The following NKAIN2 variants were observed in gnomAD, a reference collection of about 807,000 sequenced individuals.
NKAIN2 encodes the protein sodium/potassium transporting ATPase interacting 2, also known as sodium/potassium-transporting ATPase subunit beta-1-interacting protein 2.
NKAIN2 carries 14 observed loss-of-function variants against 32.6 expected under a neutral mutation model. The observed-to-expected ratio is 0.43, with a 90% confidence interval of 0.28 to 0.67. NKAIN2 has a LOEUF of 0.67. Ranked by LOEUF, NKAIN2 falls within the 30% of genes least tolerant of loss-of-function variation. NKAIN2 has a pLI of 0.17. For missense variants in NKAIN2, 198 were observed against 258.3 expected, an observed-to-expected ratio of 0.77 and a Z score of 1.60; for synonymous variants, 80 against 87.2, an observed-to-expected ratio of 0.92 and a Z score of 0.46.
intron 1 of NKAIN2, among the ~76,000 whole-genome samples, chr6:123,858,902 G>A (rs1775667943): frequency 6.6e-6 from 1 of 152,096 alleles, no homozygotes; most frequent in African/African-American, 2.4e-5. Context: ...TAAGACAGGT[G>A]AACTCATTTT....
At position 124,804,947 on chromosome 6, in the gene NKAIN2, G is replaced by A. The variant is rs989126547; in HGVS notation, c.536-13440G>A. Among the ~76,000 whole-genome samples the A allele has an allele frequency of 5.8e-3, 888 of 152,236 alleles. 10 individuals carry two copies. The highest frequency in any genetic ancestry group is 0.02 in the African/African-American group (847 of 41,566). On this transcript the variant is annotated intron_variant, in intron 5 of 6. Coordinates refer to ENST00000368417, the MANE Select transcript of NKAIN2 (RefSeq NM_001040214.3). ...GCGGCAGCGAGGCTGGGGGAAGGGC[G>A]CCCGCCATTGCCCAGGCTTGCTTAG...
In NKAIN2 at chr6:124,274,786, A is replaced by G. The variant is rs1010175773; in HGVS notation, c.55-8219A>G. Among the ~76,000 whole-genome samples, 7 of 152,108 alleles carry G rather than the reference A, an allele frequency of 4.6e-5. No homozygotes were observed. In the East Asian group the frequency reaches 9.6e-4, roughly 21 times the overall value. On this transcript the variant is annotated intron_variant, in intron 1 of 6. Coordinates refer to ENST00000368417, the MANE Select transcript of NKAIN2 (RefSeq NM_001040214.3). ...ACAGAATGCGGACACACTATTCAAA[A>G]AAAAGGTGGGAGATTTGTGTTATGA...
At chr6:124,140,156 G>T (rs1787063164) in intron 1 of NKAIN2, among the ~76,000 whole-genome samples, 1 of 152,112 alleles carries the variant, frequency 6.6e-6, no homozygotes, top group South Asian at 2.1e-4. Flanking sequence ...AGCATCACAT[G>T]TTCCCATTAG....
intron 3 of NKAIN2, among the ~76,000 whole-genome samples, chr6:124,507,474 G>GT (rs1336897358): frequency 2.0e-5 from 3 of 152,150 alleles, no homozygotes; most frequent in South Asian, 2.1e-4. Flanking sequence ...AATTATGGTG[G>GT]TTTTTTGCTT....
At chr6:124,024,365 A>G (rs1781009706) in intron 1 of NKAIN2, among the ~76,000 whole-genome samples, 1 of 152,172 alleles carries the variant, frequency 6.6e-6, no homozygotes, top group African/African-American at 2.4e-5. Context: ...ATTAGAATGC[A>G]TAACGTGAAT....
At chr6:124,165,709 C>G (rs1283978745) in intron 1 of NKAIN2, among the ~76,000 whole-genome samples, 1 of 144,030 alleles carries the variant, frequency 6.9e-6, no homozygotes, top group East Asian at 2.1e-4. Flanking sequence ...ATGTTCCCCT[C>G]CCTGTGTCCA....
At chr6:124,485,303 A>G (rs1044851140) in intron 3 of NKAIN2, among the ~76,000 whole-genome samples, 2 of 152,084 alleles carry the variant, frequency 1.3e-5, no homozygotes, top group African/African-American at 4.8e-5. Flanking sequence ...AACAGCTGCT[A>G]AAGTTTAAGA....
intron 3 of NKAIN2, among the ~76,000 whole-genome samples, chr6:124,653,434 C>T (rs183829547): frequency 2.0e-5 from 2 of 100,088 alleles, no homozygotes; most frequent in African/African-American, 3.7e-5. Context: ...AATAATTGCA[C>T]ATCCACATGC....
At chr6:124,198,911 C>G (rs550288379) in intron 1 of NKAIN2, among the ~76,000 whole-genome samples, 1 of 152,200 alleles carries the variant, frequency 6.6e-6, no homozygotes, top group South Asian at 2.1e-4. Flanking sequence ...TGTAGGTTAT[C>G]TGGCCTATTT....
At chr6:124,081,108 A>C (rs1216944199) in intron 1 of NKAIN2, among the ~76,000 whole-genome samples, 1 of 152,098 alleles carries the variant, frequency 6.6e-6, no homozygotes, top group East Asian at 1.9e-4. Flanking sequence ...TTTATATTGC[A>C]TATTGACTTT....
At chr6:124,797,559 G>C (rs1031022134) in intron 5 of NKAIN2, among the ~76,000 whole-genome samples, 1 of 152,004 alleles carries the variant, frequency 6.6e-6, no homozygotes, top group Non-Finnish European at 1.5e-5. Flanking sequence ...AACTGGCCTT[G>C]GGATAAAAGT....
At chr6:124,812,136 T>G (rs1780930616) in intron 5 of NKAIN2, among the ~76,000 whole-genome samples, 1 of 152,158 alleles carries the variant, frequency 6.6e-6, no homozygotes, top group Non-Finnish European at 1.5e-5. Context: ...TTCTTTCCAC[T>G]CCTCTTGGCC....
At chr6:124,539,668 T>C (rs951855573) in intron 3 of NKAIN2, among the ~76,000 whole-genome samples, 1 of 152,194 alleles carries the variant, frequency 6.6e-6, no homozygotes, top group Non-Finnish European at 1.5e-5. Flanking sequence ...AGATCCATTA[T>C]AGATTTTTAA....
At chr6:124,484,320 T>A (rs1777569571) in intron 3 of NKAIN2, among the ~76,000 whole-genome samples, 1 of 152,214 alleles carries the variant, frequency 6.6e-6, no homozygotes, top group African/African-American at 2.4e-5. Flanking sequence ...GAACTGAGAT[T>A]ATTTTGAAGA....
chr6:123,881,880 T>C (rs1773474342), intron 1 of NKAIN2, among the ~76,000 whole-genome samples: 1 of 152,178 alleles, frequency 6.6e-6, no homozygotes, highest in Non-Finnish European at 1.5e-5. Flanking sequence ...TTAGTCATAT[T>C]CTGTAGATCT....
At chr6:124,070,183 T>A (rs1275316846) in intron 1 of NKAIN2, among the ~76,000 whole-genome samples, 2 of 152,180 alleles carry the variant, frequency 1.3e-5, no homozygotes, top group Non-Finnish European at 2.9e-5. Context: ...TTAGGCCACT[T>A]GTGAGCTTTT....
At chr6:124,348,669 C>T (rs1029654885) in intron 2 of NKAIN2, among the ~76,000 whole-genome samples, 12 of 152,302 alleles carry the variant, frequency 7.9e-5, no homozygotes, top group East Asian at 7.7e-4. Context: ...GCATGAGCGA[C>T]GCAGAAGATG....
intron 1 of NKAIN2, among the ~76,000 whole-genome samples, chr6:124,211,999 G>C (rs1179740546): frequency 1.3e-5 from 2 of 151,966 alleles, no homozygotes; most frequent in Non-Finnish European, 2.9e-5. Flanking sequence ...TTTTGTATTA[G>C]TTTAACCTTG....
intron 3 of NKAIN2, among the ~76,000 whole-genome samples, chr6:124,478,965 T>A (rs1407178665): frequency 6.6e-6 from 1 of 152,146 alleles, no homozygotes; most frequent in African/African-American, 2.4e-5. Flanking sequence ...TTACTCTTGA[T>A]ATGATGTGAT....
Sources: allele counts gnomAD v4.1 joint callset (sites outside exome capture counted in the v4.1 genomes callset), GRCh38; gene constraint gnomAD v4.1.1; transcripts MANE v1.5; gene names NCBI Gene and HGNC (gene_info 2026-07-23, HGNC 2026-07-21).